The following MTHFSD variants were observed in gnomAD, a reference collection of about 807,000 sequenced individuals.
MTHFSD encodes the protein methenyltetrahydrofolate synthetase domain containing.
Under a neutral mutation model 31.1 loss-of-function variants are expected in MTHFSD, and 37 were observed. The ratio of observed to expected loss-of-function variants is 1.19; its 90% CI spans 0.91 to 1.56. The LOEUF (loss-of-function observed/expected upper bound fraction) is 1.56, where lower values mean the gene tolerates loss of function less well. Ranked by LOEUF, MTHFSD falls within the 40% of genes most tolerant of loss-of-function variation. The probability of loss-of-function intolerance (pLI) is 0.00; values close to 1 mark genes in which losing one functional copy is unlikely to be tolerated. For missense variants in MTHFSD, 664 were observed against 510.1 expected (o/e 1.30, Z -2.91); for synonymous variants, 221 against 206.9 (o/e 1.07, Z -0.59).
chr16:86,544,544 G>A (rs1414111737), intron 5 of MTHFSD, among the ~76,000 whole-genome samples: 2 of 152,208 alleles, frequency 1.3e-5, no homozygotes, highest in Non-Finnish European at 2.9e-5. Flanking sequence ...CCTCATGCCA[G>A]TCAGAATGGC....
At position 86,554,769 on chromosome 16, in the gene MTHFSD, C is replaced by T; in HGVS notation, c.17-18G>A. On this transcript the variant is annotated intron_variant, in intron 1 of 7. Transcript: ENST00000360900. ...GACACCTACTGCAACAAAAGATTCC[C>T]ACTTAATAACATACAAAGGAATTCC... 1 of 1,585,990 alleles carries T rather than the reference C, an allele frequency of 6.3e-7. No homozygotes were observed. The highest frequency in any genetic ancestry group is 8.7e-7 in the Non-Finnish European group (1 of 1,154,814).
chr16:86,540,392 T>C (rs1224915541), intron 7 of MTHFSD, among the ~76,000 whole-genome samples: 3 of 152,228 alleles, frequency 2.0e-5, no homozygotes, highest in African/African-American at 7.2e-5. Context: ...GAGGATATAT[T>C]CACCTAACGT....
At chr16:86,547,677 A>T (rs975978023) in intron 4 of MTHFSD, 37 of 451,768 alleles carry the variant, frequency 8.2e-5, no homozygotes, top group African/African-American at 1.7e-4. Context: ...CTATATATAT[A>T]TTTTTTACTT....
At chr16:86,540,686 G>T in intron 7 of MTHFSD, 1 of 987,700 alleles carries the variant, frequency 1.0e-6, no homozygotes, top group Non-Finnish European at 1.2e-6. Context: ...GTGGACCAGA[G>T]TTCCCAAGTG....
rs1567522054 is a variant in MTHFSD at position 86,531,802 on chromosome 16, TGTGAGATGAACC to T, written c.*197_*208del. On this transcript the variant is annotated 3_prime_UTR_variant, in exon 8 of 8. Transcript: ENST00000360900. This position sits in a 1 kb window ranked among gnomAD's most constrained non-coding sequence, Gnocchi z 5.5. ...TTGGGAGGCTGCAGTCTCTGCGCGC[TGTGAGATGAACC>T]GCAGGGCGGCTTCCCCACTCACAGG... 7.2e-6 allele frequency: 3 copies of T among 416,678 alleles called. No individual in the cohort carries two copies. The highest frequency in any genetic ancestry group is 1.3e-5 in the Non-Finnish European group (3 of 235,594). The allele number at this position is 416,678 out of a possible 1,614,324, so 25.8% of individuals were successfully genotyped here. A position where few individuals can be genotyped will look rare whatever the true frequency, so the allele number is the denominator to read the frequency against.
intron 7 of MTHFSD, among the ~76,000 whole-genome samples, chr16:86,536,907 C>T (rs550974801): frequency 3.9e-5 from 6 of 152,352 alleles, no homozygotes; most frequent in East Asian, 1.9e-4. Flanking sequence ...CGCAGACATG[C>T]TTGAGCTTTC....
chr16:86,551,668 A>G (rs759887236), intron 3 of MTHFSD, among the ~76,000 whole-genome samples: 3 of 152,212 alleles, frequency 2.0e-5, no homozygotes, highest in Non-Finnish European at 2.9e-5. Context: ...GCTTGTTAGC[A>G]TGCTCATTTC....
Position 86,554,667 on chromosome 16 carries a change from T to A in MTHFSD, c.101A>T (p.His34Leu). The A allele has an allele frequency of 6.2e-7, 1 of 1,614,224 alleles. No individual in the cohort carries two copies. Among genetic ancestry groups the A allele is most frequent in the Non-Finnish European group, 8.5e-7 (1 of 1,180,008 alleles). Residue 34 changes from histidine to leucine, a missense_variant, in exon 2 of 8, where the codon CAT becomes CTT. Transcript: ENST00000360900. ...QNLADFPRPV[H>L]HRIPNFKGSY... ...TACCTTAAAGTTGGGTATCCTGTGATGAACAGGTCGGGGAAAGTCAGCTAA... is the reference window on the plus strand; with the variant it reads ...TACCTTAAAGTTGGGTATCCTGTGAAGAACAGGTCGGGGAAAGTCAGCTAA...
intron 3 of MTHFSD, among the ~76,000 whole-genome samples, chr16:86,549,877 T>C (rs1972886014): frequency 6.6e-6 from 1 of 152,224 alleles, no homozygotes; most frequent in Non-Finnish European, 1.5e-5. Flanking sequence ...AGGTCTGGGG[T>C]TGGGCCTGGG....
chr16:86,541,926 C>G, intron 6 of MTHFSD, 104 bp from the exon 7 acceptor site: 8 of 1,502,608 alleles, frequency 5.3e-6, no homozygotes, highest in East Asian at 2.3e-5. Flanking sequence ...GAAGCACCCC[C>G]AAATCCACTC....
At chr16:86,555,077 C>T (rs988924752) in intron 1 of MTHFSD, 92 bp downstream of exon 1, 6 of 1,506,494 alleles carry the variant, frequency 4.0e-6, no homozygotes, top group African/African-American at 1.4e-5. Flanking sequence ...GCCCCATCCT[C>T]TGCCAGCCCC....
Position 86,531,512 on chromosome 16 carries a change from C to G in MTHFSD, c.*499G>C, listed in dbSNP as rs1969989212. On this transcript the variant is annotated 3_prime_UTR_variant, in exon 8 of 8. Coordinates refer to ENST00000360900, the MANE Select transcript of MTHFSD (RefSeq NM_001159377.2). The surrounding 1 kb of genome is among the most constrained non-coding windows in gnomAD (Gnocchi z 5.5). Reference sequence around the variant, plus strand: ...AGGGGCTGAGCTTCCTGGGCTCCTGCGACATGGATGGAGCTCTCCCTGCCG... The same window carrying G: ...AGGGGCTGAGCTTCCTGGGCTCCTGGGACATGGATGGAGCTCTCCCTGCCG... The G allele has an allele frequency of 6.6e-6, 1 of 152,360 alleles. No individual in the cohort carries two copies. Among genetic ancestry groups the G allele is most frequent in the Admixed American group, 6.5e-5 (1 of 15,294 alleles). The allele number at this position is 152,360 out of a possible 1,614,324, so 9.4% of individuals were successfully genotyped here. A position where few individuals can be genotyped will look rare whatever the true frequency, so the allele number is the denominator to read the frequency against.
At chr16:86,538,717 C>T (rs1298037064) in intron 7 of MTHFSD, among the ~76,000 whole-genome samples, 1 of 152,200 alleles carries the variant, frequency 6.6e-6, no homozygotes, top group Non-Finnish European at 1.5e-5. Flanking sequence ...ACGAACTGCC[C>T]AGAGGTTCAG....
In MTHFSD at chr16:86,531,674, C is replaced by T; in HGVS notation, c.*337G>A. 4.8e-6 allele frequency: 1 copy of T among 208,934 alleles called. No individual in the cohort carries two copies. The highest frequency in any genetic ancestry group is 1.6e-3 in the Middle Eastern group (1 of 630). The allele number at this position is 208,934 out of a possible 1,614,324, so 12.9% of individuals were successfully genotyped here. On this transcript the variant is annotated 3_prime_UTR_variant, in exon 8 of 8. Transcript: ENST00000360900. The surrounding 1 kb of genome is among the most constrained non-coding windows in gnomAD (Gnocchi z 5.5). ...CCACCCCTGGCAAACTCGAGATCAC[C>T]TTCACATCACCCTCCCCTGCTTAGC...
rs1248884324 is a variant in MTHFSD, at chr16:86,531,004, A to G, written c.*1007T>C. 1.3e-5 allele frequency: 2 copies of G among 152,236 alleles called. No homozygotes were observed. The highest frequency in any genetic ancestry group is 4.8e-5 in the African/African-American group (2 of 41,450). The allele number at this position is 152,236 out of a possible 1,614,324, so 9.4% of individuals were successfully genotyped here. Reference sequence around the variant, plus strand: ...CAAAGAGAAGACCGAGTGTCCCGAGAACATTTTCTTGAAAGCGCGTGCACG... The same window carrying G: ...CAAAGAGAAGACCGAGTGTCCCGAGGACATTTTCTTGAAAGCGCGTGCACG... On this transcript the variant is annotated 3_prime_UTR_variant, in exon 8 of 8. Coordinates refer to ENST00000360900, the MANE Select transcript of MTHFSD (RefSeq NM_001159377.2). The surrounding 1 kb of genome is among the most constrained non-coding windows in gnomAD (Gnocchi z 5.5).
At chr16:86,552,261 C>T (rs745724543) in intron 2 of MTHFSD, 115 bp from the exon 3 acceptor site, 13 of 1,603,690 alleles carry the variant, frequency 8.1e-6, no homozygotes, top group South Asian at 1.1e-5. Context: ...CGCCTGCAAG[C>T]GTGGGAGTTG....
In MTHFSD at chr16:86,555,188, G is replaced by C; in HGVS notation, c.-4C>G. 6.5e-7 allele frequency: 1 copy of C among 1,537,196 alleles called. No individual in the cohort carries two copies. Among genetic ancestry groups the C allele is most frequent in the Admixed American group, 2.0e-5 (1 of 51,064 alleles). ...CCCCACCTGCCCTCGGCTCCATGGTGATGCAGTCGCTGTGCGACGCTTCCC... is the reference window on the plus strand; with the variant it reads ...CCCCACCTGCCCTCGGCTCCATGGTCATGCAGTCGCTGTGCGACGCTTCCC... On this transcript the variant is annotated 5_prime_UTR_variant, in exon 1 of 8. In the 5' UTR this introduces an upstream ATG that the reference lacks. Transcript: ENST00000360900.
intron 2 of MTHFSD, 87 bp from the exon 3 acceptor site, chr16:86,552,233 G>A (rs548271577): frequency 1.9e-6 from 3 of 1,612,738 alleles, no homozygotes; most frequent in Non-Finnish European, 2.5e-6. Context: ...TTACTTTAAT[G>A]GTCCTGGCCG....
rs1973816021 is a variant in MTHFSD, at chr16:86,554,751, A to G, written c.17T>C (p.Val6Ala). The G allele has an allele frequency of 1.2e-6, 2 of 1,610,552 alleles. No homozygotes were observed. The highest frequency in any genetic ancestry group is 1.1e-5 in the South Asian group (1 of 90,858). ...ACGTATGTCCTGTTTGGAGACACCT[A>G]CTGCAACAAAAGATTCCCACTTAAT... MEPRAVGVSKQDIREQ... is the reference protein window; with the variant it reads MEPRAAGVSKQDIREQ... Residue 6 changes from valine (V) to alanine (A), a missense_variant and splice_region_variant, in exon 2 of 8, where the codon GTA (valine) becomes GCA (alanine). Val to Ala is a moderately conservative substitution (Grantham distance 64, BLOSUM62 0). Coordinates refer to ENST00000360900, the MANE Select transcript of MTHFSD (RefSeq NM_001159377.2).
Sources: gnomAD v4.1 joint callset for allele counts (sites outside exome capture counted in the v4.1 genomes callset) on GRCh38, gnomAD v4.1.1 for gene constraint, Gnocchi (gnomAD v3.1) non-coding constraint, MANE v1.5 for transcripts, NCBI Gene and HGNC (gene_info 2026-07-23, HGNC 2026-07-21) for gene names.